SASH1: variants seen among roughly 807,000 people sequenced by gnomAD.
SASH1 encodes the protein SAM and SH3 domain containing 1, also known as SAM and SH3 domain-containing protein 1.
Under a neutral mutation model 125.2 loss-of-function variants are expected in SASH1, and 44 were observed. That is an observed-to-expected ratio of 0.35 (90% CI 0.28 to 0.45). SASH1 has a LOEUF of 0.45. SASH1 is among the 20% of genes least tolerant of loss of function. SASH1 has a pLI of 1.00. For missense variants in SASH1, 1,426 were observed against 1,614.5 expected, an observed-to-expected ratio of 0.88 and a Z score of 2.00; for synonymous variants, 639 against 649.1, an observed-to-expected ratio of 0.98 and a Z score of 0.24.
chr6:148,349,932 T>G (rs1346680368), intron 1 of SASH1, among the ~76,000 whole-genome samples: 2 of 151,348 alleles, frequency 1.3e-5, no homozygotes, highest in Non-Finnish European at 2.9e-5. Flanking sequence ...TGCAAGCTCC[T>G]CCTCCCGGGT....
chr6:148,531,085 C>T (rs1781484917), intron 12 of SASH1, among the ~76,000 whole-genome samples: 1 of 151,978 alleles, frequency 6.6e-6, no homozygotes. Context: ...TCCAGGAATA[C>T]ACTTTTTTAA....
At chr6:148,388,639 T>C (rs946130031) in intron 1 of SASH1, among the ~76,000 whole-genome samples, 3 of 152,192 alleles carry the variant, frequency 2.0e-5, no homozygotes, top group Admixed American at 6.5e-5. Flanking sequence ...CTTGGTTCTG[T>C]AAAATCAGTG....
At chr6:148,343,285 G>C in intron 1 of SASH1, 62 bp downstream of exon 1, 2 of 1,483,008 alleles carry the variant, frequency 1.3e-6, no homozygotes, top group Non-Finnish European at 1.8e-6. Context: ...CTCTGAAACC[G>C]GGGGCTCCCT....
Position 148,543,834 on chromosome 6 carries a change from T to G in SASH1, c.2364T>G (p.Gly788=). ...LKQGQEEGRL[G]GGLAPDTSKS... is the part of the protein sequence containing the mutation. ...AGGGACAGGAGGAGGGCAGGCTGGG[T>G]GGTGGCCTTGCCCCAGACACGTCCA... Residue 788 remains glycine (G), a synonymous_variant, in exon 18 of 20, where the codon GGT becomes GGG. Coordinates refer to ENST00000367467, the MANE Select transcript of SASH1 (RefSeq NM_015278.5). 1 of 1,614,088 alleles carries G rather than the reference T, an allele frequency of 6.2e-7. No homozygotes were observed. Among genetic ancestry groups the G allele is most frequent in the Admixed American group, 1.7e-5 (1 of 60,012 alleles).
intron 1 of SASH1, among the ~76,000 whole-genome samples, chr6:148,290,960 G>A (rs6900240): frequency 0.45 from 65,693 of 147,552 alleles, 15,708 homozygotes; most frequent in African/African-American, 0.63. Flanking sequence ...GAGATAAAAG[G>A]CATCTTTTCT....
chr6:148,344,795 G>A lies in SASH1; in HGVS notation c.156+1572G>A, dbSNP rs369857620. On this transcript the variant is annotated intron_variant, in intron 1 of 19. Coordinates refer to ENST00000367467, the MANE Select transcript of SASH1 (RefSeq NM_015278.5). ...TTTTGAGACGAAGTCTTGCTCCGTCGCCCAGGCTGGGGTGCAGTGGCACGA... is the reference window on the plus strand; with the variant it reads ...TTTTGAGACGAAGTCTTGCTCCGTCACCCAGGCTGGGGTGCAGTGGCACGA... Among the ~76,000 whole-genome samples the A allele has an allele frequency of 3.1e-4, 46 of 146,474 alleles. 2 individuals carry two copies. In the South Asian group the frequency reaches 8.8e-3, roughly 28 times the overall value.
intron 9 of SASH1, 29 bp downstream of exon 9, chr6:148,514,485 A>G (rs539347278): frequency 7.9e-7 from 1 of 1,271,130 alleles, no homozygotes; most frequent in Non-Finnish European, 1.0e-6. Flanking sequence ...AAAAAAAAAA[A>G]AGGCAGACTC....
chr6:148,331,476 C>T (rs1228083469), intron 1 of SASH1, among the ~76,000 whole-genome samples: 1 of 151,842 alleles, frequency 6.6e-6, no homozygotes, highest in African/African-American at 2.4e-5. Context: ...ATTACAGGTT[C>T]CTGCTACCAT....
chr6:148,289,861 G>GTTTTTTTTTTTTT (rs144013796), intron 1 of SASH1, among the ~76,000 whole-genome samples: 5 of 85,894 alleles, frequency 5.8e-5, no homozygotes, highest in Non-Finnish European at 6.5e-5. Flanking sequence ...TTTTGGTTGT[G>GTTTTTTTTTTTTT]TTTTTTTTTT....
the SASH1 span, among the ~76,000 whole-genome samples, chr6:148,217,872 G>A: frequency 4.9e-4 from 74 of 150,770 alleles, no homozygotes; most frequent in Non-Finnish European, 7.1e-4. Flanking sequence ...AAAATTAGCC[G>A]GGTGTGGTGG....
At chr6:148,268,498 T>G (rs967386930), upstream of SASH1, among the ~76,000 whole-genome samples, 1 of 152,224 alleles carries the variant, frequency 6.6e-6, no homozygotes, top group African/African-American at 2.4e-5. Context: ...ATGCAAGTTG[T>G]AAAACTCTGC....
intron 8 of SASH1, among the ~76,000 whole-genome samples, chr6:148,490,063 AAATAAT>A (rs60004034): frequency 4.5e-5 from 6 of 132,724 alleles, no homozygotes; most frequent in Non-Finnish European, 6.8e-5. Flanking sequence ...CTTCTGCAAA[AAATAAT>A]AATAATAATA....
At position 148,292,164 on chromosome 6, in the gene SASH1, C is replaced by G. The variant is rs180916387; in HGVS notation, n.74+19787C>G. ...AGACAGAGTTGTCTTCTGTGATGATCTTTTCATAGAATCATGCAGCTGGGA... is the reference window on the plus strand; with the variant it reads ...AGACAGAGTTGTCTTCTGTGATGATGTTTTCATAGAATCATGCAGCTGGGA... On this transcript the variant is annotated intron_variant and non_coding_transcript_variant, in intron 1 of 3. Coordinates refer to the SASH1 transcript ENST00000367469. Among the ~76,000 whole-genome samples the G allele has an allele frequency of 1.1e-4, 16 of 152,298 alleles. 1 individual carries two copies. Among genetic ancestry groups the G allele is most frequent in the Admixed American group, 6.5e-4 (10 of 15,296 alleles).
At chr6:148,251,839 C>A in the SASH1 span, among the ~76,000 whole-genome samples, 1 of 112,586 alleles carries the variant, frequency 8.9e-6, no homozygotes, top group Non-Finnish European at 1.8e-5. Flanking sequence ...CCCCTCCCCC[C>A]ACCCCACAAC....
At chr6:148,489,255 A>G (rs948723328) in intron 8 of SASH1, among the ~76,000 whole-genome samples, 3 of 152,122 alleles carry the variant, frequency 2.0e-5, no homozygotes, top group African/African-American at 7.2e-5. Flanking sequence ...GTCATGGCAT[A>G]CTTTTTGAAA....
intron 9 of SASH1, among the ~76,000 whole-genome samples, chr6:148,514,828 G>T (rs763522546): frequency 4.6e-5 from 7 of 152,192 alleles, no homozygotes; most frequent in Non-Finnish European, 8.8e-5. Context: ...CTTGCTCAGT[G>T]AATTTAGTTC....
chr6:148,412,730 C>T (rs1361618727), intron 2 of SASH1, among the ~76,000 whole-genome samples: 2 of 152,114 alleles, frequency 1.3e-5, no homozygotes, highest in African/African-American at 4.8e-5. Context: ...ACCCCCATGA[C>T]CCAAACACCC....
At chr6:148,387,638 T>TCGGCA (rs1562371414) in intron 1 of SASH1, among the ~76,000 whole-genome samples, 2 of 53,760 alleles carry the variant, frequency 3.7e-5, no homozygotes, top group African/African-American at 6.8e-5. Flanking sequence ...CTTTCTTTCT[T>TCGGCA]TCTTTCTTTC....
chr6:148,302,820 G>GTGTATATA (rs1264335929), intron 1 of SASH1, among the ~76,000 whole-genome samples: 2 of 143,958 alleles, frequency 1.4e-5, no homozygotes, highest in South Asian at 2.2e-4. Context: ...GACCTCAGGA[G>GTGTATATA]TATATATATA....
Sources: allele counts gnomAD v4.1 joint callset (sites outside exome capture counted in the v4.1 genomes callset), GRCh38; gene constraint gnomAD v4.1.1; transcripts MANE v1.5; gene names NCBI Gene and HGNC (gene_info 2026-07-23, HGNC 2026-07-21).